EVC2: variants seen among roughly 807,000 people sequenced by gnomAD.
EVC2 encodes EvC ciliary complex subunit 2.
Under a neutral mutation model 149.3 loss-of-function variants are expected in EVC2, and 148 were observed. The observed-to-expected ratio is 0.99, with a 90% CI of 0.87 to 1.14. The LOEUF (loss-of-function observed/expected upper bound fraction) is 1.14, where lower values mean the gene tolerates loss of function less well. Among genes scored for constraint, EVC2 ranks in the 50% most tolerant of loss-of-function variants. EVC2 has a pLI of 0.00. For synonymous variants in EVC2, 776 were observed against 649.9 expected (o/e 1.19, Z -2.95); for missense variants, 1,854 against 1,627.3 (o/e 1.14, Z -2.40).
intron 11 of EVC2, among the ~76,000 whole-genome samples, 156 bp downstream of exon 11, chr4:5,631,637 C>T (rs370566171): frequency 6.6e-6 from 1 of 152,088 alleles, no homozygotes; most frequent in Non-Finnish European, 1.5e-5. Flanking sequence ...CCACCATTTT[C>T]CCTGCTTACT....
At chr4:5,685,544 A>G in intron 5 of EVC2, 65 bp from the exon 6 acceptor site, 4 of 1,308,086 alleles carry the variant, frequency 3.1e-6, no homozygotes, top group Non-Finnish European at 4.4e-6. Context: ...GCACCCCACC[A>G]CACCCCAGAC....
chr4:5,681,418 G>A (rs1186055085), intron 6 of EVC2, 105 bp from the exon 7 acceptor site: 1 of 1,143,952 alleles, frequency 8.7e-7, no homozygotes, highest in African/African-American at 1.5e-5. Context: ...GCTACAATCA[G>A]CCCTAACTGC....
intron 6 of EVC2, among the ~76,000 whole-genome samples, chr4:5,684,847 AG>A (rs991178246): frequency 1.3e-5 from 2 of 152,092 alleles, no homozygotes; most frequent in African/African-American, 4.8e-5. Flanking sequence ...CTTATAGAAG[AG>A]GCTAGGACAG....
chr4:5,548,411 G>A (rs577806902), intron 21 of EVC2, among the ~76,000 whole-genome samples: 33 of 150,092 alleles, frequency 2.2e-4, no homozygotes, highest in African/African-American at 7.6e-4. Flanking sequence ...GGATGACCAA[G>A]CAGAAAGATG....
At chr4:5,664,743 C>A (rs545931608) in intron 8 of EVC2, among the ~76,000 whole-genome samples, 1 of 152,140 alleles carries the variant, frequency 6.6e-6, no homozygotes, top group Non-Finnish European at 1.5e-5. Flanking sequence ...CCATCAGGGC[C>A]CAGGTCCCTG....
At chr4:5,588,742 T>TA (rs1199812702) in intron 16 of EVC2, among the ~76,000 whole-genome samples, 1 of 152,232 alleles carries the variant, frequency 6.6e-6, no homozygotes, top group African/African-American at 2.4e-5. Flanking sequence ...AATATAGACA[T>TA]ATAGATATAT....
rs192796377 is a variant in EVC2, at chr4:5,640,050, G to T, written c.1470+464C>A. ...GTGATAATGGGCAGATGGGTGGACG[G>T]GTAGATGGAGGGGAAGCATGGGTGA... On this transcript the variant is annotated intron_variant, in intron 10 of 21. Transcript: ENST00000344408. The surrounding 1 kb of genome is among the most constrained non-coding windows in gnomAD (Gnocchi z 4.6). 6.6e-6 allele frequency among the ~76,000 whole-genome samples: 1 copy of T among 152,202 alleles called. No homozygotes were observed. The highest frequency in any genetic ancestry group is 1.9e-4 in the East Asian group (1 of 5,170).
rs1358574469 is a variant in EVC2, at chr4:5,640,394, T to C, written c.1470+120A>G. 5 of 1,154,908 alleles carry C rather than the reference T, an allele frequency of 4.3e-6. No individual in the cohort carries two copies. Among genetic ancestry groups the C allele is most frequent in the Non-Finnish European group, 6.5e-6 (5 of 766,198 alleles). 71.5% of individuals were successfully genotyped at this position (1,154,908 alleles called of 1,614,324 possible). On this transcript the variant is annotated intron_variant, in intron 10 of 21. Coordinates refer to ENST00000344408, the MANE Select transcript of EVC2 (RefSeq NM_147127.5). This position sits in a 1 kb window ranked among gnomAD's most constrained non-coding sequence, Gnocchi z 4.6. ...GATGAATAGATGAATGAGTGGGTGG[T>C]TGGATGGATGATGGGTAGACGGATG...
At chr4:5,623,024 T>A in intron 13 of EVC2, 33 bp from the exon 14 acceptor site, 1 of 1,608,596 alleles carries the variant, frequency 6.2e-7, no homozygotes, top group South Asian at 1.1e-5. Context: ...TAAGTGGGGG[T>A]GGGGCTTGGC....
intron 16 of EVC2, among the ~76,000 whole-genome samples, chr4:5,598,416 A>G (rs1713656909): frequency 6.6e-6 from 1 of 151,464 alleles, no homozygotes; most frequent in South Asian, 2.1e-4. Flanking sequence ...ATAATGCCGC[A>G]TATCTACAAC....
chr4:5,664,658 C>T lies in EVC2; in HGVS notation c.1005+857G>A, dbSNP rs562560153. Among the ~76,000 whole-genome samples, 16 of 152,308 alleles carry T rather than the reference C, an allele frequency of 1.1e-4. No homozygotes were observed. In the South Asian group the frequency reaches 2.9e-3, roughly 28 times the overall value. On this transcript the variant is annotated intron_variant, in intron 8 of 21. Transcript: ENST00000344408. ...GCAGGGACAAAATGAACAACAGGCT[C>T]CTCACCCAGGCTGGGGTGGAATTTC...
chr4:5,694,208 A>ACC (rs1322874975), intron 3 of EVC2, 127 bp downstream of exon 3: 1 of 924,510 alleles, frequency 1.1e-6, no homozygotes. Flanking sequence ...TGATAACTAT[A>ACC]TTTAGTGAAA....
chr4:5,555,129 A>C (rs1721815774), intron 21 of EVC2, among the ~76,000 whole-genome samples: 1 of 152,066 alleles, frequency 6.6e-6, no homozygotes, highest in South Asian at 2.1e-4. Flanking sequence ...AAAGGGAAAT[A>C]AGTATAGCCA....
chr4:5,597,528 TA>T (rs568175993), intron 16 of EVC2, among the ~76,000 whole-genome samples: 117 of 151,058 alleles, frequency 7.7e-4, no homozygotes, highest in African/African-American at 2.7e-3. Flanking sequence ...CCCTTCATGC[TA>T]AAAACTCTCA....
rs372215987 is a variant in EVC2 at position 5,640,654 on chromosome 4, G to A, written c.1330C>T (p.Gln444Ter). ...KQFLLLENEI[Q>*]EEYDRKMVAL... ...ACCATCTTCCGATCGTACTCCTCTT[G>A]TATTTCATTTTCCAGCAATAGAAAC... The change falls in exon 10 of 22, where the codon CAA becomes TAA. Residue 444 changes from glutamine to a stop codon, truncating the protein, a stop_gained. Transcript: ENST00000344408. LOFTEE classifies it high-confidence loss of function. This position sits in a 1 kb window ranked among gnomAD's most constrained non-coding sequence, Gnocchi z 4.6. 3 of 1,614,012 alleles carry A rather than the reference G, an allele frequency of 1.9e-6. No homozygotes were observed. Among genetic ancestry groups the A allele is most frequent in the Non-Finnish European group, 1.7e-6 (2 of 1,180,008 alleles).
At chr4:5,568,265 C>A (rs1722421668) in intron 20 of EVC2, among the ~76,000 whole-genome samples, 179 bp downstream of exon 20, 1 of 151,968 alleles carries the variant, frequency 6.6e-6, no homozygotes, top group Non-Finnish European at 1.5e-5. Context: ...AATGGGCATG[C>A]ATGAAATATT....
chr4:5,566,652 C>G (rs1341553965), intron 20 of EVC2, among the ~76,000 whole-genome samples: 1 of 152,188 alleles, frequency 6.6e-6, no homozygotes, highest in Non-Finnish European at 1.5e-5. Context: ...CCAGAGTCAT[C>G]CAGGCTGCCT....
chr4:5,692,271 T>C (rs1016722277), intron 3 of EVC2, among the ~76,000 whole-genome samples: 5 of 152,274 alleles, frequency 3.3e-5, no homozygotes, highest in South Asian at 4.2e-4. Context: ...CAAGTGATCC[T>C]CCTGCCTTGG....
At position 5,625,615 on chromosome 4, in the gene EVC2, G is replaced by A. The variant is rs1716048935; in HGVS notation, c.2046+134C>T. The A allele has an allele frequency of 4.4e-6, 5 of 1,141,384 alleles. No individual in the cohort carries two copies. The East Asian group carries it at 9.8e-5, about 22-fold the overall frequency. The allele number at this position is 1,141,384 out of a possible 1,614,324, so 70.7% of individuals were successfully genotyped here. Reference sequence around the variant, plus strand: ...AAGTCGCTACCAATCAACAGTAGATGGCACATCATGGTGCCTGCCCAGCTG... The same window carrying A: ...AAGTCGCTACCAATCAACAGTAGATAGCACATCATGGTGCCTGCCCAGCTG... On this transcript the variant is annotated intron_variant, in intron 13 of 21. Transcript: ENST00000344408. This position sits in a 1 kb window ranked among gnomAD's most constrained non-coding sequence, Gnocchi z 4.0.
Sources: allele counts gnomAD v4.1 joint callset (sites outside exome capture counted in the v4.1 genomes callset), GRCh38; gene constraint gnomAD v4.1.1; non-coding constraint Gnocchi (gnomAD v3.1); transcripts MANE v1.5; gene names NCBI Gene and HGNC (gene_info 2026-07-23, HGNC 2026-07-21).